The following OR2T2 variants were observed in gnomAD, a reference collection of about 807,000 sequenced individuals.
The protein encoded by OR2T2 is olfactory receptor family 2 subfamily T member 2.
For missense variants in OR2T2, 138 were observed against 409.1 expected, an observed-to-expected ratio of 0.34 and a Z score of 5.72; for synonymous variants, 50 against 162.7, an observed-to-expected ratio of 0.31 and a Z score of 5.27.
At chr1:248,447,535 CT>C (rs1244529500) in intron 2 of OR2T2, among the ~76,000 whole-genome samples, 1 of 146,990 alleles carries the variant, frequency 6.8e-6, no homozygotes, top group Non-Finnish European at 1.5e-5. Context: ...ACTCTCCCCT[CT>C]CTCTTCCACC....
chr1:248,446,012 T>A (rs910479039), intron 1 of OR2T2, among the ~76,000 whole-genome samples: 1 of 144,364 alleles, frequency 6.9e-6, no homozygotes, highest in African/African-American at 2.8e-5. Context: ...CAGAATTAAT[T>A]GGTAGCAGGG....
At chr1:248,455,019 A>G (rs1318496360) in exon 3 of OR2T2, 5 of 151,256 alleles carry the variant, frequency 3.3e-5, no homozygotes, top group Non-Finnish European at 5.9e-5. Context: ...GTATTTTTGT[A>G]ATTAGTTGGA....
chr1:248,453,753 C>T, exon 3 of OR2T2: 2 of 1,556,392 alleles, frequency 1.3e-6, no homozygotes, highest in South Asian at 2.3e-5. Flanking sequence ...AGGGTGGCGA[C>T]TGTGATCAGG....
exon 3 of OR2T2, chr1:248,453,350 G>C (rs766007158): frequency 6.4e-7 from 1 of 1,567,254 alleles, no homozygotes; most frequent in South Asian, 1.1e-5. Flanking sequence ...GATCCCAGCC[G>C]TGCTGAAGTT....
At chr1:248,453,852 C>T in exon 3 of OR2T2, 2 of 1,158,780 alleles carry the variant, frequency 1.7e-6, no homozygotes, top group South Asian at 2.9e-5. Context: ...GGGGTGGTGA[C>T]TGATCAGGAA....
chr1:248,453,066 A>G (rs1170702893), exon 3 of OR2T2: 2 of 1,613,256 alleles, frequency 1.2e-6, no homozygotes, highest in South Asian at 2.2e-5. Context: ...CTGTCCAAGG[A>G]CAAGACCATT....
At chr1:248,451,982 A>AGTCAT (rs1662812032) in intron 2 of OR2T2, among the ~76,000 whole-genome samples, 1 of 81,632 alleles carries the variant, frequency 1.2e-5, no homozygotes, top group African/African-American at 1.0e-4. Context: ...TGCAGCATCT[A>AGTCAT]AATTTTAGCA....
chr1:248,455,136 G>A (rs1662905770), exon 3 of OR2T2: 1 of 150,524 alleles, frequency 6.6e-6, no homozygotes, highest in African/African-American at 2.5e-5. Flanking sequence ...CTGTGTGTAA[G>A]GTCCTGAAAT....
chr1:248,446,434 A>ACCG (rs1447058834), intron 1 of OR2T2, among the ~76,000 whole-genome samples, 155 bp from the exon 2 acceptor site: 16 of 143,044 alleles, frequency 1.1e-4, no homozygotes, highest in African/African-American at 3.5e-4. Flanking sequence ...TCACCTCACC[A>ACCG]CTGCTGTTCC....
At chr1:248,450,266 C>T (rs1433450343) in intron 2 of OR2T2, among the ~76,000 whole-genome samples, 2 of 144,056 alleles carry the variant, frequency 1.4e-5, no homozygotes, top group Admixed American at 6.7e-5. Context: ...ATGCACACAC[C>T]ACACATACCA....
chr1:248,450,345 CTCT>C (rs1282849318), intron 2 of OR2T2, among the ~76,000 whole-genome samples: 11 of 128,076 alleles, frequency 8.6e-5, no homozygotes, highest in African/African-American at 1.4e-4. Flanking sequence ...CACAAGGAAC[CTCT>C]TTTTTTTTTT....
Position 248,449,828 on chromosome 1 carries a change from CTTTTTTT to C in OR2T2, c.-22-2939_-22-2933del, listed in dbSNP as rs777942474. On this transcript the variant is annotated intron_variant, in intron 2 of 2. Coordinates refer to ENST00000642130, the Ensembl canonical transcript of OR2T2. Reference sequence around the variant, plus strand: ...GCTTTTTCTTTTTCTTTTTCTTTTTCTTTTTTTTTTTTTTTGGAAAGACTAGTTGATG... The same window carrying C: ...GCTTTTTCTTTTTCTTTTTCTTTTTCTTTTTTTTGGAAAGACTAGTTGATG... Among the ~76,000 whole-genome samples the C allele has an allele frequency of 6.1e-3, 699 of 115,188 alleles. 6 individuals are homozygous for C. The highest frequency in any genetic ancestry group is 0.035 in the East Asian group (146 of 4,180). 75.6% of individuals were successfully genotyped at this position (115,188 alleles called of 152,430 possible). A position where few individuals can be genotyped will look rare whatever the true frequency, so the allele number is the denominator to read the frequency against.
intron 2 of OR2T2, among the ~76,000 whole-genome samples, chr1:248,447,022 T>C (rs1203559704): frequency 6.8e-6 from 1 of 147,536 alleles, no homozygotes; most frequent in Non-Finnish European, 1.5e-5. Context: ...TAGACTACTT[T>C]TCCATGAATG....
intron 2 of OR2T2, among the ~76,000 whole-genome samples, chr1:248,449,986 C>A (rs1662756179): frequency 6.9e-6 from 1 of 145,424 alleles, no homozygotes; most frequent in Non-Finnish European, 1.5e-5. Flanking sequence ...TGCTAAATAG[C>A]ATCAACTCTA....
chr1:248,448,055 C>T (rs754024342), intron 2 of OR2T2, among the ~76,000 whole-genome samples: 47 of 152,354 alleles, frequency 3.1e-4, no homozygotes, highest in African/African-American at 5.8e-4. Flanking sequence ...TCGACTGTGG[C>T]GGACTCAGTG....
intron 2 of OR2T2, among the ~76,000 whole-genome samples, chr1:248,447,456 C>T (rs1662691677): frequency 7.3e-6 from 1 of 137,088 alleles, no homozygotes; most frequent in African/African-American, 3.0e-5. Context: ...TCCCTGCCTT[C>T]ACTTTCCAGC....
chr1:248,449,606 G>C (rs1662743782), intron 2 of OR2T2, among the ~76,000 whole-genome samples: 1 of 141,402 alleles, frequency 7.1e-6, no homozygotes, highest in African/African-American at 3.0e-5. Flanking sequence ...CAGATGTGGA[G>C]CTCCTGTGCT....
intron 2 of OR2T2, among the ~76,000 whole-genome samples, chr1:248,450,624 T>G (rs900257363): frequency 6.6e-6 from 1 of 152,238 alleles, no homozygotes; most frequent in African/African-American, 2.4e-5. Flanking sequence ...CTTAGGTCAT[T>G]TTCGTTTGTC....
intron 1 of OR2T2, among the ~76,000 whole-genome samples, chr1:248,445,948 A>G (rs1662635730): frequency 1.4e-5 from 2 of 146,300 alleles, no homozygotes; most frequent in African/African-American, 5.5e-5. Flanking sequence ...GGAAAATGGC[A>G]TGTAAGAGCC....
Sources: gnomAD v4.1 joint callset for allele counts (sites outside exome capture counted in the v4.1 genomes callset) on GRCh38, gnomAD v4.1.1 for gene constraint, MANE v1.5 for transcripts, NCBI Gene and HGNC (gene_info 2026-07-23, HGNC 2026-07-21) for gene names.